ZNF248: variants seen among roughly 807,000 people sequenced by gnomAD.
The protein encoded by ZNF248 is KRAB protein domain.
Under a neutral mutation model 44.3 loss-of-function variants are expected in ZNF248, and 20 were observed. That is an observed-to-expected ratio of 0.45 (90% CI 0.32 to 0.66). The LOEUF is 0.66. Ranked by LOEUF, ZNF248 falls within the 30% of genes least tolerant of loss-of-function variation. The pLI is 0.04. For missense variants in ZNF248, 654 were observed against 677.0 expected, an observed-to-expected ratio of 0.97 and a Z score of 0.38; for synonymous variants, 224 against 229.0, an observed-to-expected ratio of 0.98 and a Z score of 0.20.
chr10:37,805,313 T>C (rs1384976179), intron 6 of ZNF248, among the ~76,000 whole-genome samples: 3 of 152,200 alleles, frequency 2.0e-5, no homozygotes, highest in African/African-American at 7.2e-5. Flanking sequence ...CAATAAATGA[T>C]GCTGGTACAA....
intron 5 of ZNF248, among the ~76,000 whole-genome samples, chr10:37,833,826 G>A (rs1457701196): frequency 6.6e-6 from 1 of 152,080 alleles, no homozygotes; most frequent in African/African-American, 2.4e-5. Flanking sequence ...GATATTCTGA[G>A]AGCTGTTCTT....
intron 3 of ZNF248, among the ~76,000 whole-genome samples, chr10:37,839,300 T>C (rs1490631543): frequency 6.6e-6 from 1 of 152,176 alleles, no homozygotes; most frequent in African/African-American, 2.4e-5. Flanking sequence ...ATTTCGCTGA[T>C]TTTGCTTTGT....
the ZNF248 span, among the ~76,000 whole-genome samples, chr10:37,769,194 C>T: frequency 2.8e-4 from 42 of 152,204 alleles, 1 homozygote; most frequent in African/African-American, 7.0e-4. Context: ...ACCAGAGGTA[C>T]GAGGAGGACC....
At chr10:37,764,788 G>A in the ZNF248 span, among the ~76,000 whole-genome samples, 1 of 152,166 alleles carries the variant, frequency 6.6e-6, no homozygotes, top group Non-Finnish European at 1.5e-5. Context: ...AGTTAATATA[G>A]GATGTTTACT....
chr10:37,799,518 C>T (rs568715018), intron 6 of ZNF248, among the ~76,000 whole-genome samples: 758 of 152,250 alleles, frequency 5.0e-3, no homozygotes, highest in Middle Eastern at 6.8e-3. Context: ...GAGATCGCGC[C>T]ACTGCACTCC....
intron 6 of ZNF248, among the ~76,000 whole-genome samples, chr10:37,808,278 CT>C (rs796239232): frequency 1.5e-3 from 203 of 137,530 alleles, no homozygotes; most frequent in Middle Eastern, 4.0e-3. Context: ...AACCTTTTTT[CT>C]TTTTTTTTTT....
downstream of ZNF248, among the ~76,000 whole-genome samples, chr10:37,772,543 G>A (rs965289978): frequency 6.6e-6 from 1 of 152,166 alleles, no homozygotes; most frequent in African/African-American, 2.4e-5. Context: ...TAAAAAGAAT[G>A]TATTATGTAA....
chr10:37,776,845 G>A (rs1245402295), intron 6 of ZNF248, among the ~76,000 whole-genome samples: 1 of 152,100 alleles, frequency 6.6e-6, no homozygotes, highest in African/African-American at 2.4e-5. Flanking sequence ...GGTCTACCCT[G>A]GCCATGTGAC....
intron 3 of ZNF248, among the ~76,000 whole-genome samples, chr10:37,851,719 C>G (rs906553291): frequency 3.0e-5 from 3 of 99,446 alleles, no homozygotes; most frequent in Non-Finnish European, 5.8e-5. Context: ...AAAAGATTTT[C>G]ATGCAAATAA....
chr10:37,834,944 T>C (rs1262355691), intron 5 of ZNF248, among the ~76,000 whole-genome samples: 1 of 152,140 alleles, frequency 6.6e-6, no homozygotes, highest in Admixed American at 6.6e-5. Context: ...TACACTATTA[T>C]AGTCATTGAA....
At chr10:37,818,908 T>C (rs2053002826) in intron 6 of ZNF248, 4 of 1,088,772 alleles carry the variant, frequency 3.7e-6, no homozygotes, top group South Asian at 1.2e-5. Context: ...AAGACACTGA[T>C]AGAAGATCAC....
chr10:37,855,782 A>C (rs1383531669), intron 3 of ZNF248, among the ~76,000 whole-genome samples: 1 of 152,256 alleles, frequency 6.6e-6, no homozygotes, highest in Non-Finnish European at 1.5e-5. Flanking sequence ...CATTCATCAG[A>C]TTGAAACATA....
Position 37,831,863 on chromosome 10 carries a change from C to T in ZNF248, c.1492G>A (p.Gly498Arg). 1 of 1,614,012 alleles carries T rather than the reference C, an allele frequency of 6.2e-7. No individual in the cohort carries two copies. Among genetic ancestry groups the T allele is most frequent in the Non-Finnish European group, 8.5e-7 (1 of 1,179,956 alleles). Reference protein sequence around the residue: ...GEKPFICNECGKSFCVKSNLI... With the variant: ...GEKPFICNECRKSFCVKSNLI... The stretch of plus-strand genomic sequence containing the variant: ...TTTGACTTCACACAGAAGGATTTTC[C>T]ACATTCATTACATATAAACGGTTTC... The change falls in exon 6 of 6, where the codon GGA becomes AGA. Residue 498 changes from glycine (G) to arginine (R), a missense_variant. Physicochemically the swap from Gly to Arg is moderately radical, Grantham distance 125. Transcript: ENST00000395867.
chr10:37,769,143 C>CA, the ZNF248 span, among the ~76,000 whole-genome samples: 12 of 151,984 alleles, frequency 7.9e-5, no homozygotes, highest in African/African-American at 2.7e-4. Flanking sequence ...GCTTACCAAC[C>CA]AAAAAAAGTC....
chr10:37,770,358 A>G, the ZNF248 span, among the ~76,000 whole-genome samples: 1 of 152,234 alleles, frequency 6.6e-6, no homozygotes, highest in African/African-American at 2.4e-5. Flanking sequence ...GCATTACGCT[A>G]CCTGACTTCA....
intron 6 of ZNF248, among the ~76,000 whole-genome samples, chr10:37,784,475 T>C (rs551400314): frequency 6.6e-6 from 1 of 152,212 alleles, no homozygotes; most frequent in Non-Finnish European, 1.5e-5. Flanking sequence ...CCTGGCTAAA[T>C]TGGTAAATCA....
chr10:37,797,521 A>G (rs2049295928), intron 6 of ZNF248, among the ~76,000 whole-genome samples: 1 of 152,186 alleles, frequency 6.6e-6, no homozygotes, highest in Non-Finnish European at 1.5e-5. Context: ...AAGACATCCC[A>G]CAGAATGGGA....
At chr10:37,815,140 C>T (rs2052232536) in intron 6 of ZNF248, among the ~76,000 whole-genome samples, 1 of 151,916 alleles carries the variant, frequency 6.6e-6, no homozygotes, top group South Asian at 2.1e-4. Flanking sequence ...CATCTTGGCT[C>T]ACTGCAACCT....
At chr10:37,796,959 T>C (rs1040663013) in intron 6 of ZNF248, among the ~76,000 whole-genome samples, 21 of 152,056 alleles carry the variant, frequency 1.4e-4, no homozygotes, top group African/African-American at 4.6e-4. Context: ...GTTTTTTTTT[T>C]CTAGAGCCCC....
Sources: gnomAD v4.1 joint callset for allele counts (sites outside exome capture counted in the v4.1 genomes callset) on GRCh38, gnomAD v4.1.1 for gene constraint, MANE v1.5 for transcripts, NCBI Gene and HGNC (gene_info 2026-07-23, HGNC 2026-07-21) for gene names.